FKBP10: variants seen among roughly 807,000 people sequenced by gnomAD.
FKBP10 encodes the protein peptidyl-prolyl cis-trans isomerase FKBP10.
In FKBP10, 34 loss-of-function variants were observed where a neutral mutation model predicts 53.7. The ratio of observed to expected loss-of-function variants is 0.63; its 90% CI spans 0.48 to 0.84. The LOEUF is 0.84. FKBP10 is among the 40% of genes least tolerant of loss of function. FKBP10 has a pLI of 0.00. For missense variants in FKBP10, 748 were observed against 797.8 expected (o/e 0.94, Z 0.75); for synonymous variants, 324 against 335.7 (o/e 0.97, Z 0.38).
In FKBP10 at chr17:41,818,437, G is replaced by A. The variant is rs781877607; in HGVS notation, c.637G>A (p.Gly213Ser). 65 of 1,614,178 alleles carry A rather than the reference G, an allele frequency of 4.0e-5. No individual in the cohort carries two copies. The highest frequency in any genetic ancestry group is 5.3e-5 in the Non-Finnish European group (63 of 1,180,040). The change falls in exon 4 of 10, where the codon GGC becomes AGC. Residue 213 changes from glycine (G) to serine (S), a missense_variant. By Grantham distance (56) the Gly-to-Ser change is moderately conservative. Transcript: ENST00000321562. ...CGTCGGCTCTGGTTGGCTGATCAAGGGCATGGACCAGGGGCTGCTGGGCAT... is the reference window on the plus strand; with the variant it reads ...CGTCGGCTCTGGTTGGCTGATCAAGAGCATGGACCAGGGGCTGCTGGGCAT... ...TYVGSGWLIK[G>S]MDQGLLGMCP...
In FKBP10 at chr17:41,820,291, C is replaced by A. The variant is rs1415311586; in HGVS notation, c.1086C>A (p.Ala362=). ...NGTGDKIPGS[A]VLIFNVHVID... The stretch of plus-strand genomic sequence containing the variant: ...CAGGAGACAAGATCCCTGGCTCTGC[C>A]GTGCTAATCTTCAACGTCCATGTCA... Residue 362 remains alanine (A), a synonymous_variant, in exon 7 of 10, where the codon GCC becomes GCA. Coordinates refer to ENST00000321562, the MANE Select transcript of FKBP10 (RefSeq NM_021939.4). The A allele has an allele frequency of 6.2e-7, 1 of 1,614,174 alleles. No homozygotes were observed. The highest frequency in any genetic ancestry group is 8.5e-7 in the Non-Finnish European group (1 of 1,180,044).
At chr17:41,819,131 C>T in intron 4 of FKBP10, 79 bp from the exon 5 acceptor site, 3 of 1,426,402 alleles carry the variant, frequency 2.1e-6, no homozygotes, top group East Asian at 2.3e-5. Flanking sequence ...TTGCATGGTG[C>T]CCACTGGGCC....
intron 1 of FKBP10, among the ~76,000 whole-genome samples, chr17:41,816,293 C>T (rs1555616085): frequency 2.3e-5 from 3 of 127,810 alleles, no homozygotes; most frequent in Middle Eastern, 6.8e-3. Flanking sequence ...TCCAGTGGCA[C>T]GATTTCGGCT....
intron 1 of FKBP10, among the ~76,000 whole-genome samples, chr17:41,814,242 T>C (rs1474489714): frequency 6.6e-6 from 1 of 152,146 alleles, no homozygotes. Context: ...GAGGCAGGCA[T>C]ATATTGGGGT....
chr17:41,814,769 C>T (rs1172416925), intron 1 of FKBP10, among the ~76,000 whole-genome samples: 1 of 152,148 alleles, frequency 6.6e-6, no homozygotes, highest in Non-Finnish European at 1.5e-5. Context: ...GCTGGAGGCT[C>T]ACTCTGTCGC....
intron 4 of FKBP10, chr17:41,818,822 G>A (rs2047849854): frequency 2.3e-6 from 1 of 428,480 alleles, no homozygotes; most frequent in African/African-American, 2.2e-5. Flanking sequence ...CGGGCGTGGT[G>A]GGGGCGCCTG....
intron 8 of FKBP10, among the ~76,000 whole-genome samples, chr17:41,821,301 T>C (rs2047888933): frequency 6.6e-6 from 1 of 151,908 alleles, no homozygotes; most frequent in Non-Finnish European, 1.5e-5. Flanking sequence ...TTTTGTATTT[T>C]TAGTAGAGAC....
chr17:41,813,087 A>G lies in FKBP10; in HGVS notation c.53A>G (p.Gln18Arg). ...SHSLLRLPLLQLLLLVVQAVG... is the reference protein window; with the variant it reads ...SHSLLRLPLLRLLLLVVQAVG... ...AGCCTCCTCCGGCTCCCCCTGCTGC[A>G]GTTGCTGCTACTGGTGGTGCAGGCC... The change falls in exon 1 of 10, where the codon CAG becomes CGG. Residue 18 changes from glutamine (Q) to arginine (R), a missense_variant. By Grantham distance (43) the Gln-to-Arg change is conservative. Transcript: ENST00000321562. 1.2e-6 allele frequency: 2 copies of G among 1,610,852 alleles called. No individual in the cohort carries two copies. The highest frequency in any genetic ancestry group is 2.2e-5 in the South Asian group (2 of 91,008).
At position 41,822,225 on chromosome 17, in the gene FKBP10, C is replaced by T; in HGVS notation, c.1566C>T (p.Phe522=). ...NKDGEVPPEE[F]STFIKAQVSE... is the part of the protein sequence containing the mutation. ...CCCCCGGCTCTCCCCTGCCCCAGTTCTCCACCTTCATCAAGGCTCAAGTGA... is the reference window on the plus strand; with the variant it reads ...CCCCCGGCTCTCCCCTGCCCCAGTTTTCCACCTTCATCAAGGCTCAAGTGA... The change falls in exon 10 of 10, where the codon TTC becomes TTT. Residue 522 remains phenylalanine, a splice_region_variant and synonymous_variant. Coordinates refer to ENST00000321562, the MANE Select transcript of FKBP10 (RefSeq NM_021939.4). The T allele has an allele frequency of 6.2e-7, 1 of 1,612,244 alleles. No homozygotes were observed. The highest frequency in any genetic ancestry group is 8.5e-7 in the Non-Finnish European group (1 of 1,179,196).
In FKBP10 at chr17:41,819,020, G is replaced by A. The variant is rs1013666775; in HGVS notation, c.728-190G>A. The A allele has an allele frequency of 7.8e-5, 48 of 618,562 alleles. No homozygotes were observed. The South Asian group carries it at 8.9e-4, about 11-fold the overall frequency. 38.3% of individuals were successfully genotyped at this position (618,562 alleles called of 1,614,324 possible). On this transcript the variant is annotated intron_variant, in intron 4 of 9. Coordinates refer to ENST00000321562, the MANE Select transcript of FKBP10 (RefSeq NM_021939.4). ...TTCACACGAAGGCTCAGTATGAGCC[G>A]GTGGTGGCCCTGGGGAAAACCCAGC...
At chr17:41,819,951 C>T in intron 6 of FKBP10, 2 of 1,532,794 alleles carry the variant, frequency 1.3e-6, no homozygotes, top group Middle Eastern at 1.7e-4. Context: ...ACCAGCATAC[C>T]CCCAGGACCC....
At chr17:41,819,784 C>T in intron 6 of FKBP10, 109 bp downstream of exon 6, 26 of 1,543,024 alleles carry the variant, frequency 1.7e-5, no homozygotes, top group East Asian at 2.4e-5. Context: ...CCCCTCTCAT[C>T]ACAAAAACAT....
intron 2 of FKBP10, 125 bp from the exon 3 acceptor site, chr17:41,817,964 C>A: frequency 1.0e-6 from 1 of 954,356 alleles, no homozygotes; most frequent in Non-Finnish European, 1.6e-6. Context: ...AAAATAGTGG[C>A]ATCTCTGTCC....
chr17:41,822,164 C>G, intron 9 of FKBP10, 59 bp from the exon 10 acceptor site: 1 of 1,548,532 alleles, frequency 6.5e-7, no homozygotes, highest in Non-Finnish European at 8.8e-7. Flanking sequence ...CCCGGGGCCC[C>G]TGCCCCTCCC....
intron 1 of FKBP10, among the ~76,000 whole-genome samples, chr17:41,813,551 G>A (rs1454396204): frequency 6.6e-6 from 1 of 152,132 alleles, no homozygotes; most frequent in Non-Finnish European, 1.5e-5. Context: ...AGTTACCAGG[G>A]CTGTATGTAA....
In FKBP10 at chr17:41,819,487, G is replaced by A. The variant is rs782261922; in HGVS notation, c.918-43G>A. 3.7e-5 allele frequency: 60 copies of A among 1,613,748 alleles called. No individual in the cohort carries two copies. In the South Asian group the frequency reaches 6.6e-4, roughly 18 times the overall value. ...ACTCTGAGCTGCCTGGAAGGGGAGG[G>A]CCCCTTTGACTCCCTTCCTGGCCCT... On this transcript the variant is annotated intron_variant, in intron 5 of 9. Coordinates refer to ENST00000321562, the MANE Select transcript of FKBP10 (RefSeq NM_021939.4).
rs369599375 is a variant in FKBP10, at chr17:41,819,615, A to G, written c.1003A>G (p.Met335Val). The G allele has an allele frequency of 4.0e-5, 65 of 1,613,516 alleles. 1 individual carries two copies. Among genetic ancestry groups the G allele is most frequent in the East Asian group, 3.8e-4 (17 of 44,884 alleles). Residue 335 changes from methionine to valine, a missense_variant, in exon 6 of 10, where the codon ATG becomes GTG. Physicochemically the swap from Met to Val is conservative, Grantham distance 21. Coordinates refer to ENST00000321562, the MANE Select transcript of FKBP10 (RefSeq NM_021939.4). The part of the protein sequence containing the change: ...GMDQGLQGAC[M>V]GERRRITIPP... ...GGACCAGGGGCTGCAGGGTGCCTGC[A>G]TGGGGGAACGCCGGAGAATTACCAT...
intron 6 of FKBP10, 67 bp from the exon 7 acceptor site, chr17:41,820,202 A>G (rs2047872558): frequency 1.9e-6 from 3 of 1,547,322 alleles, no homozygotes; most frequent in Non-Finnish European, 2.7e-6. Context: ...GGGGACCTCC[A>G]TGGAGAGACC....
chr17:41,822,552 T>C lies in FKBP10; in HGVS notation c.*144T>C, dbSNP rs2144072357. 4.5e-6 allele frequency: 4 copies of C among 887,986 alleles called. No individual in the cohort carries two copies. The highest frequency in any genetic ancestry group is 4.0e-5 in the Admixed American group (2 of 49,470). The allele number at this position is 887,986 out of a possible 1,614,324, so 55.0% of individuals were successfully genotyped here. On this transcript the variant is annotated 3_prime_UTR_variant, in exon 10 of 10. Coordinates refer to ENST00000321562, the MANE Select transcript of FKBP10 (RefSeq NM_021939.4). ...CTAAAACAATGGCAGAGGAGACATCTCTGGTGTTCCCACCACCCTAGATGA... is the reference window on the plus strand; with the variant it reads ...CTAAAACAATGGCAGAGGAGACATCCCTGGTGTTCCCACCACCCTAGATGA...
Sources: allele counts gnomAD v4.1 joint callset (sites outside exome capture counted in the v4.1 genomes callset), GRCh38; gene constraint gnomAD v4.1.1; transcripts MANE v1.5; gene names NCBI Gene and HGNC (gene_info 2026-07-23, HGNC 2026-07-21).